PCDHA9: variants seen among roughly 807,000 people sequenced by gnomAD.
The protein encoded by PCDHA9 is protocadherin alpha-9.
Under a neutral mutation model 62.0 loss-of-function variants are expected in PCDHA9, and 62 were observed. The observed-to-expected ratio is 1.00, with a 90% CI of 0.81 to 1.23. PCDHA9 has a LOEUF of 1.23. Ranked by LOEUF, PCDHA9 falls within the 50% of genes most tolerant of loss-of-function variation. The pLI, the probability that PCDHA9 is intolerant of heterozygous loss-of-function variation, is 0.00. For missense variants in PCDHA9, 1,205 were observed against 1,249.8 expected (o/e 0.96, Z 0.54); for synonymous variants, 557 against 567.6 (o/e 0.98, Z 0.27).
chr5:140,926,199 G>C (rs541337659), intron 1 of PCDHA9, among the ~76,000 whole-genome samples: 1 of 151,790 alleles, frequency 6.6e-6, no homozygotes, highest in African/African-American at 2.4e-5. Context: ...CACTTCTTTC[G>C]GGGGGCTCCT....
chr5:140,969,542 C>A, intron 1 of PCDHA9: 1 of 1,279,482 alleles, frequency 7.8e-7, no homozygotes, highest in Non-Finnish European at 1.1e-6. Context: ...TTTTCAGAGG[C>A]ATGAAGCCTT....
At chr5:140,858,533 T>C in intron 1 of PCDHA9, 4 of 1,397,322 alleles carry the variant, frequency 2.9e-6, no homozygotes, top group Non-Finnish European at 4.0e-6. Context: ...TTCATTTTTG[T>C]CTACATTCCA....
intron 1 of PCDHA9, chr5:140,883,148 A>G (rs1554176918): frequency 5.0e-6 from 8 of 1,614,078 alleles, no homozygotes; most frequent in Non-Finnish European, 6.8e-6. Context: ...ATATGCATTT[A>G]CCATAAATCC....
At chr5:140,888,265 A>G (rs2061758269) in intron 1 of PCDHA9, among the ~76,000 whole-genome samples, 1 of 152,096 alleles carries the variant, frequency 6.6e-6, no homozygotes, top group Non-Finnish European at 1.5e-5. Flanking sequence ...TCTTGATAAG[A>G]AACAGTTTTG....
chr5:140,923,566 C>T lies in PCDHA9; in HGVS notation c.2395-55383C>T, dbSNP rs149499154. ...AAATGAAATATCAGCAATGAAAGGT[C>T]CTGCTAAAGAGAAGGTTTGTTAATT... On this transcript the variant is annotated intron_variant, in intron 1 of 3. Coordinates refer to ENST00000532602, the MANE Select transcript of PCDHA9 (RefSeq NM_031857.2). 8.1e-3 allele frequency among the ~76,000 whole-genome samples: 1,228 copies of T among 152,208 alleles called. 6 individuals carry two copies. The highest frequency in any genetic ancestry group is 0.019 in the African/African-American group (794 of 41,538).
chr5:140,874,141 T>C (rs1554167053), intron 1 of PCDHA9, among the ~76,000 whole-genome samples: 1 of 152,248 alleles, frequency 6.6e-6, no homozygotes, highest in South Asian at 2.1e-4. Context: ...TATCTTATAC[T>C]TGTAGAGCCA....
chr5:140,964,138 C>T (rs529852998), intron 1 of PCDHA9, among the ~76,000 whole-genome samples: 1 of 152,300 alleles, frequency 6.6e-6, no homozygotes, highest in Admixed American at 6.5e-5. Flanking sequence ...GTAAGGTTGG[C>T]AGGAGCCTCA....
Position 140,850,637 on chromosome 5 carries a change from G to A in PCDHA9, c.2142G>A (p.Thr714=). Residue 714 remains threonine (T), a synonymous_variant, in exon 1 of 4, where the codon ACG becomes ACA. Coordinates refer to ENST00000532602, the MANE Select transcript of PCDHA9 (RefSeq NM_031857.2). The part of the protein sequence containing the change: ...ICAVSSLLVL[T]LLLYTVLRCS... ...CGGTGTCTAGCCTGTTGGTTCTCAC[G>A]CTGCTGCTGTACACTGTGCTGCGGT... The A allele has an allele frequency of 6.3e-7, 1 of 1,598,640 alleles. No individual in the cohort carries two copies. Among genetic ancestry groups the A allele is most frequent in the Non-Finnish European group, 8.6e-7 (1 of 1,167,886 alleles).
chr5:140,914,724 G>A (rs923867157), intron 1 of PCDHA9, among the ~76,000 whole-genome samples: 1 of 150,732 alleles, frequency 6.6e-6, no homozygotes, highest in Non-Finnish European at 1.5e-5. Flanking sequence ...TTTATTTTTT[G>A]TGTATCCATT....
chr5:140,881,218 T>G (rs997488208), intron 1 of PCDHA9: 10 of 230,756 alleles, frequency 4.3e-5, no homozygotes, highest in Non-Finnish European at 6.4e-5. Flanking sequence ...TGTTGTTTCT[T>G]GGAAAATTAA....
intron 1 of PCDHA9, among the ~76,000 whole-genome samples, chr5:140,892,933 T>C (rs1323780846): frequency 6.6e-6 from 1 of 152,210 alleles, no homozygotes; most frequent in Non-Finnish European, 1.5e-5. Context: ...CAGCCTCTGA[T>C]AAGCACAATA....
chr5:140,921,706 T>C (rs2080341352), intron 1 of PCDHA9, among the ~76,000 whole-genome samples: 1 of 152,148 alleles, frequency 6.6e-6, no homozygotes, highest in Non-Finnish European at 1.5e-5. Flanking sequence ...TTTTAAACAG[T>C]AAACACACGA....
chr5:140,863,282 A>G (rs782183211), intron 1 of PCDHA9: 1 of 1,461,396 alleles, frequency 6.8e-7, no homozygotes, highest in Non-Finnish European at 9.3e-7. Flanking sequence ...GTGGATGTCA[A>G]CGTGTACCTG....
At position 140,858,665 on chromosome 5, in the gene PCDHA9, A is replaced by G. The variant is rs2045550518; in HGVS notation, c.2394+7776A>G. On this transcript the variant is annotated intron_variant, in intron 1 of 3. Transcript: ENST00000532602. ...GGTACTTAAATTTTTTTAAATAACAATTTATTCTGAATACACTAATATTTT... is the reference window on the plus strand; with the variant it reads ...GGTACTTAAATTTTTTTAAATAACAGTTTATTCTGAATACACTAATATTTT... 5.6e-6 allele frequency: 4 copies of G among 718,718 alleles called. 1 individual carries two copies. The highest frequency in any genetic ancestry group is 1.8e-5 in the African/African-American group (1 of 55,644). 44.5% of individuals were successfully genotyped at this position (718,718 alleles called of 1,614,324 possible).
At position 140,858,109 on chromosome 5, in the gene PCDHA9, C is replaced by G. The variant is rs782526722; in HGVS notation, c.2394+7220C>G. 17 of 1,597,646 alleles carry G rather than the reference C, an allele frequency of 1.1e-5. 1 individual carries two copies. The highest frequency in any genetic ancestry group is 1.2e-5 in the Non-Finnish European group (14 of 1,167,662). ...CGCGGGCTTCAGTGGGCGTGGCGCC[C>G]GAGGTGGCCCTGGTGGATGTCAACG... On this transcript the variant is annotated intron_variant, in intron 1 of 3. Transcript: ENST00000532602.
intron 1 of PCDHA9, among the ~76,000 whole-genome samples, chr5:140,906,717 T>G (rs566025860): frequency 6.6e-6 from 1 of 152,320 alleles, no homozygotes; most frequent in African/African-American, 2.4e-5. Context: ...CTGCCTGGAT[T>G]GTGCTGTTGT....
At position 141,009,666 on chromosome 5, in the gene PCDHA9, G is replaced by T; in HGVS notation, c.2582G>T (p.Gly861Val). Residue 861 changes from glycine to valine, a missense_variant, in exon 4 of 4, where the codon GGT becomes GTT. Physicochemically the swap from Gly to Val is moderately radical, Grantham distance 109. This residue lies in a region of PCDHA9 where 887 missense variants were observed against 809.5 expected (regional missense o/e 1.10). Coordinates refer to ENST00000532602, the MANE Select transcript of PCDHA9 (RefSeq NM_031857.2). ...GAAGTGTCCCCTCCAGTCGGTGCGG[G>T]TGTCAACAGCAACAGCTGGACCTTT... ...AGEVSPPVGAGVNSNSWTFKY... is the reference protein window; with the variant it reads ...AGEVSPPVGAVVNSNSWTFKY... The T allele has an allele frequency of 1.2e-6, 2 of 1,614,080 alleles. No individual in the cohort carries two copies. The highest frequency in any genetic ancestry group is 1.7e-6 in the Non-Finnish European group (2 of 1,180,022).
At chr5:140,966,253 G>A in intron 1 of PCDHA9, 1 of 328,324 alleles carries the variant, frequency 3.0e-6, no homozygotes, top group South Asian at 1.5e-4. Context: ...GGGGAGAGAC[G>A]GTGGAGACTG....
At chr5:140,996,275 C>T (rs534624070) in intron 3 of PCDHA9, among the ~76,000 whole-genome samples, 43 of 152,224 alleles carry the variant, frequency 2.8e-4, no homozygotes, top group African/African-American at 8.7e-4. Flanking sequence ...GGGATTGCTG[C>T]CAAATTTCAA....
Sources: allele counts gnomAD v4.1 joint callset (sites outside exome capture counted in the v4.1 genomes callset), GRCh38; gene constraint gnomAD v4.1.1; regional missense constraint gnomAD v4.1.1; transcripts MANE v1.5; gene names NCBI Gene and HGNC (gene_info 2026-07-23, HGNC 2026-07-21).